The following LINC00632 variants were observed in gnomAD, a reference collection of about 807,000 sequenced individuals.
The protein encoded by LINC00632 is long independently transcribed non-coding RNA 632.
intron 3 of LINC00632, among the ~76,000 whole-genome samples, chrX:140,752,313 C>A (rs1021059626): frequency 9.0e-6 from 1 of 111,622 alleles, no homozygotes; most frequent in African/African-American, 3.3e-5. Context: ...GGAACAAAGC[C>A]CCTAGATGTT....
intron 3 of LINC00632, among the ~76,000 whole-genome samples, chrX:140,734,175 T>C (rs376872250): frequency 8.9e-6 from 1 of 112,315 alleles, no homozygotes; most frequent in African/African-American, 3.2e-5. Flanking sequence ...GTGGAATTCA[T>C]TGAGACCGTG....
intron 2 of LINC00632, among the ~76,000 whole-genome samples, chrX:140,717,748 C>T (rs767063566): frequency 9.0e-6 from 1 of 111,560 alleles, no homozygotes; most frequent in East Asian, 2.8e-4. Context: ...TGTGTGACCT[C>T]GGAAAGGTTT....
rs200929030 is a variant in LINC00632, at chrX:140,724,891, T to TAC, written n.105-8973_105-8972dup. ...ACACATTCCATACACACACATTCCA[T>TAC]ACACACACACACACATTCCATATAC... On this transcript the variant is annotated intron_variant and non_coding_transcript_variant, in intron 2 of 4. Coordinates refer to ENST00000648200, the Ensembl canonical transcript of LINC00632. Among the ~76,000 whole-genome samples the TAC allele has an allele frequency of 2.1e-3, 170 of 79,112 alleles. 1 individual carries two copies. The highest frequency in any genetic ancestry group is 2.8e-3 in the African/African-American group (61 of 22,130). 68.7% of individuals were successfully genotyped at this position (79,112 alleles called of 115,157 possible). A position where few individuals can be genotyped will look rare whatever the true frequency, so the allele number is the denominator to read the frequency against.
exon 4 of LINC00632, chrX:140,772,305 G>C (rs1401584420): frequency 1.0e-5 from 3 of 294,071 alleles, no homozygotes; most frequent in Non-Finnish European, 1.8e-5. Flanking sequence ...TCTTCTGCTT[G>C]TTATTGTTGC....
At chrX:140,743,667 A>C (rs1177333094) in intron 3 of LINC00632, among the ~76,000 whole-genome samples, 1 of 111,606 alleles carries the variant, frequency 9.0e-6, no homozygotes, top group Non-Finnish European at 1.9e-5. Flanking sequence ...GCTTGCACAG[A>C]GTCTAGTTAA....
At chrX:140,754,113 T>A (rs1931456716) in intron 3 of LINC00632, among the ~76,000 whole-genome samples, 1 of 111,632 alleles carries the variant, frequency 9.0e-6, no homozygotes, top group South Asian at 3.7e-4. Context: ...GTCTAGACAG[T>A]TATTCCTGTT....
At chrX:140,710,130 C>T (rs987368260) in intron 1 of LINC00632, among the ~76,000 whole-genome samples, 2 of 112,051 alleles carry the variant, frequency 1.8e-5, no homozygotes. Flanking sequence ...CTCAGCTTTA[C>T]GATATTTGTA....
chrX:140,742,839 TAGAGAGAGAGAGAGAGAG>T (rs3084215), intron 3 of LINC00632, among the ~76,000 whole-genome samples: 8 of 46,906 alleles, frequency 1.7e-4, no homozygotes, highest in Admixed American at 8.8e-4. Context: ...TAGAAGGTGA[TAGAGAGAGAGAGAGAGAG>T]AGAGAGAGAG....
At chrX:140,719,618 A>G (rs1283974221) in intron 2 of LINC00632, among the ~76,000 whole-genome samples, 1 of 109,261 alleles carries the variant, frequency 9.2e-6, no homozygotes, top group Non-Finnish European at 1.9e-5. Flanking sequence ...TTTAACACAC[A>G]GACTGGCCAC....
chrX:140,737,795 A>G (rs1283205081), intron 3 of LINC00632, among the ~76,000 whole-genome samples: 1 of 112,056 alleles, frequency 8.9e-6, no homozygotes, highest in Non-Finnish European at 1.9e-5. Flanking sequence ...TGCAAATGAT[A>G]GGATTTCATT....
chrX:140,781,401 A>C (rs757930248), exon 5 of LINC00632, among the ~76,000 whole-genome samples: 13 of 111,129 alleles, frequency 1.2e-4, no homozygotes, highest in Non-Finnish European at 2.3e-4. Flanking sequence ...AGCCTATTTA[A>C]TTAAATTAGG....
At chrX:140,723,573 T>TAA (rs1930792191) in intron 2 of LINC00632, among the ~76,000 whole-genome samples, 2 of 13,342 alleles carry the variant, frequency 1.5e-4, no homozygotes, top group African/African-American at 2.3e-4. Flanking sequence ...ACACATTCCA[T>TAA]ACACACACAC....
chrX:140,767,129 T>C (rs1480390580), intron 3 of LINC00632, among the ~76,000 whole-genome samples: 1 of 111,573 alleles, frequency 9.0e-6, no homozygotes, highest in Non-Finnish European at 1.9e-5. Flanking sequence ...TTCAAGTGCA[T>C]TGTAATGGAT....
At chrX:140,740,423 A>G (rs184351401) in intron 3 of LINC00632, among the ~76,000 whole-genome samples, 2 of 111,554 alleles carry the variant, frequency 1.8e-5, no homozygotes, top group South Asian at 3.8e-4. Flanking sequence ...TTTCACAGGA[A>G]GTACATTATC....
At chrX:140,753,562 ACTT>A (rs1324728447) in intron 3 of LINC00632, among the ~76,000 whole-genome samples, 2 of 109,857 alleles carry the variant, frequency 1.8e-5, no homozygotes, top group Non-Finnish European at 1.9e-5. Context: ...CATTTCCAAG[ACTT>A]CTTCTGAAAA....
chrX:140,736,505 C>T (rs1295252432), intron 3 of LINC00632, among the ~76,000 whole-genome samples: 2 of 98,191 alleles, frequency 2.0e-5, no homozygotes, highest in Non-Finnish European at 4.0e-5. Context: ...GAGTTGATCT[C>T]GGCTCACTGC....
chrX:140,747,718 T>G (rs1315531748), intron 3 of LINC00632, among the ~76,000 whole-genome samples: 1 of 111,201 alleles, frequency 9.0e-6, no homozygotes, highest in Non-Finnish European at 1.9e-5. Flanking sequence ...GCCTTATTTT[T>G]GAAGACGTGG....
At chrX:140,786,774 C>T (rs1008928698) in exon 5 of LINC00632, among the ~76,000 whole-genome samples, 1 of 111,265 alleles carries the variant, frequency 9.0e-6, no homozygotes, top group Non-Finnish European at 1.9e-5. Context: ...ACAGAAAAAC[C>T]TTAGTCTAAC....
chrX:140,775,560 C>G (rs1931860304), exon 5 of LINC00632, among the ~76,000 whole-genome samples: 1 of 111,965 alleles, frequency 8.9e-6, no homozygotes, highest in Non-Finnish European at 1.9e-5. Flanking sequence ...GCTGTTGTTT[C>G]TGTCTTAATT....
Sources: gnomAD v4.1 joint callset for allele counts (sites outside exome capture counted in the v4.1 genomes callset) on GRCh38, gnomAD v4.1.1 for gene constraint, MANE v1.5 for transcripts, NCBI Gene and HGNC (gene_info 2026-07-23, HGNC 2026-07-21) for gene names.